DTX1: variants seen among roughly 807,000 people sequenced by gnomAD.
DTX1 encodes the protein deltex E3 ubiquitin ligase 1, also known as E3 ubiquitin-protein ligase DTX1.
DTX1 carries 26 observed loss-of-function variants against 57.8 expected under a neutral mutation model. The ratio of observed to expected loss-of-function variants is 0.45; its 90% CI spans 0.33 to 0.62. The LOEUF is 0.62. Ranked by LOEUF, DTX1 falls within the 20% of genes least tolerant of loss-of-function variation. The probability of loss-of-function intolerance (pLI) is 0.02; values close to 1 mark genes in which losing one functional copy is unlikely to be tolerated. For missense variants in DTX1, 704 were observed against 895.3 expected, an observed-to-expected ratio of 0.79 and a Z score of 2.73; for synonymous variants, 398 against 394.1, an observed-to-expected ratio of 1.01 and a Z score of -0.12.
In DTX1 at chr12:113,093,714, G is replaced by T. The variant is rs772620740; in HGVS notation, c.1165+14G>T. 1.8e-5 allele frequency: 29 copies of T among 1,612,084 alleles called. No homozygotes were observed. The highest frequency in any genetic ancestry group is 1.6e-4 in the Middle Eastern group (1 of 6,076). ...ACCTTAAAAAGAGTACGCCCTCCAC[G>T]CCCTGCCTCACACGAGATGAACCCC... On this transcript the variant is annotated intron_variant, in intron 5 of 9. Coordinates refer to ENST00000548759, the MANE Select transcript of DTX1 (RefSeq NM_004416.3). The surrounding 1 kb of genome is among the most constrained non-coding windows in gnomAD (Gnocchi z 4.2).
At chr12:113,090,441 C>A (rs939553248) in intron 3 of DTX1, among the ~76,000 whole-genome samples, 1 of 152,190 alleles carries the variant, frequency 6.6e-6, no homozygotes, top group Non-Finnish European at 1.5e-5. Flanking sequence ...AATCAAGACA[C>A]CTCCACTCTC....
intron 2 of DTX1, among the ~76,000 whole-genome samples, chr12:113,061,698 C>CT (rs34191594): frequency 1.3e-5 from 2 of 150,916 alleles, no homozygotes; most frequent in Non-Finnish European, 1.5e-5. Context: ...GATCTTAAAT[C>CT]TTTTTTTTTT....
At position 113,077,675 on chromosome 12, in the gene DTX1, C is replaced by G. The variant is rs1436653088; in HGVS notation, c.511C>G (p.Arg171Gly). 6.4e-7 allele frequency: 1 copy of G among 1,568,710 alleles called. No individual in the cohort carries two copies. Among genetic ancestry groups the G allele is most frequent in the East Asian group, 2.4e-5 (1 of 42,008 alleles). ...GACGCGCCGGCGCCGCCGCCTGCGC[C>G]GCCGCCTGGACCTCGCCTACCCGCT... ...RQTRRRRRLRRRLDLAYPLTV... is the reference protein window; with the variant it reads ...RQTRRRRRLRGRLDLAYPLTV... The change falls in exon 3 of 10, where the codon CGC (arginine) becomes GGC (glycine). Residue 171 changes from arginine to glycine, a missense_variant. By Grantham distance (125) the Arg-to-Gly change is moderately radical. Coordinates refer to ENST00000548759, the MANE Select transcript of DTX1 (RefSeq NM_004416.3). This position sits in a 1 kb window ranked among gnomAD's most constrained non-coding sequence, Gnocchi z 7.8.
At chr12:113,091,889 T>C (rs1320506571) in intron 3 of DTX1, among the ~76,000 whole-genome samples, 1 of 152,076 alleles carries the variant, frequency 6.6e-6, no homozygotes, top group Non-Finnish European at 1.5e-5. Flanking sequence ...AGAACACCCC[T>C]CTTCATCAGA....
chr12:113,085,675 A>G (rs1218525966), intron 3 of DTX1, among the ~76,000 whole-genome samples: 1 of 152,132 alleles, frequency 6.6e-6, no homozygotes, highest in Non-Finnish European at 1.5e-5. Context: ...TTTATAGCAT[A>G]TGTTCATCTG....
chr12:113,091,670 G>C (rs1436354452), intron 3 of DTX1, among the ~76,000 whole-genome samples: 1 of 152,156 alleles, frequency 6.6e-6, no homozygotes, highest in African/African-American at 2.4e-5. Flanking sequence ...CCTGCCAAGG[G>C]CACCATTTGC....
intron 2 of DTX1, among the ~76,000 whole-genome samples, chr12:113,064,017 A>G (rs996615155): frequency 2.3e-4 from 35 of 152,202 alleles, no homozygotes; most frequent in Admixed American, 8.5e-4. Flanking sequence ...CAGGGCTGAG[A>G]GAACCCCTTC....
At chr12:113,090,714 TG>T (rs982262439) in intron 3 of DTX1, among the ~76,000 whole-genome samples, 3 of 152,200 alleles carry the variant, frequency 2.0e-5, no homozygotes, top group African/African-American at 7.2e-5. Context: ...CAGAGGGGTC[TG>T]GGATGGGAGT....
chr12:113,058,366 T>C lies in DTX1; in HGVS notation c.174T>C (p.Gly58=), dbSNP rs1203061411. The C allele has an allele frequency of 6.2e-7, 1 of 1,611,936 alleles. No individual in the cohort carries two copies. Among genetic ancestry groups the C allele is most frequent in the Non-Finnish European group, 8.5e-7 (1 of 1,180,012 alleles). Residue 58 remains glycine (G), a synonymous_variant, in exon 2 of 10, where the codon GGT becomes GGC. Coordinates refer to ENST00000548759, the MANE Select transcript of DTX1 (RefSeq NM_004416.3). ...IENVLKEDAR[G]SVVLGQVDAQ... ...ACGTGCTGAAGGAGGACGCTCGCGG[T>C]TCCGTGGTCCTGGGGCAGGTGGACG...
chr12:113,074,120 T>C (rs1244923209), intron 2 of DTX1, among the ~76,000 whole-genome samples: 1 of 151,998 alleles, frequency 6.6e-6, no homozygotes, highest in Non-Finnish European at 1.5e-5. Context: ...TGCCAGCTAC[T>C]TGGGAGTCTG....
intron 3 of DTX1, 46 bp downstream of exon 3, chr12:113,078,151 C>A: frequency 7.7e-7 from 1 of 1,299,754 alleles, no homozygotes; most frequent in Non-Finnish European, 9.8e-7. Flanking sequence ...CGTCCGCAGG[C>A]AAGGACGAAG....
intron 2 of DTX1, among the ~76,000 whole-genome samples, 183 bp downstream of exon 2, chr12:113,058,634 T>TC (rs1302129968): frequency 6.6e-6 from 1 of 152,226 alleles, no homozygotes; most frequent in Non-Finnish European, 1.5e-5. Flanking sequence ...CAATGCAGCC[T>TC]CTGAGCAAGC....
chr12:113,073,666 G>C (rs1428287209), intron 2 of DTX1, among the ~76,000 whole-genome samples: 1 of 152,212 alleles, frequency 6.6e-6, no homozygotes, highest in African/African-American at 2.4e-5. Context: ...AGAGGAGAGG[G>C]CAGAGGACAA....
Position 113,075,679 on chromosome 12 carries a change from A to T in DTX1, c.260-1745A>T, listed in dbSNP as rs543172903. 3.9e-5 allele frequency among the ~76,000 whole-genome samples: 6 copies of T among 152,350 alleles called. No homozygotes were observed. The South Asian group carries it at 1.2e-3, about 32-fold the overall frequency. On this transcript the variant is annotated intron_variant, in intron 2 of 9. Transcript: ENST00000548759. ...GAGTAAAGCCTCAGTGCCCTCCTTT[A>T]TGAAAGGGGGCCCACCTGGCAGTCA...
intron 2 of DTX1, among the ~76,000 whole-genome samples, chr12:113,075,883 C>T (rs529634085): frequency 3.9e-5 from 6 of 152,038 alleles, no homozygotes; most frequent in African/African-American, 1.4e-4. Context: ...ATCGCTCGAG[C>T]ACCTGCTGTG....
chr12:113,086,261 G>GAA (rs35457626), intron 3 of DTX1, among the ~76,000 whole-genome samples: 161 of 135,332 alleles, frequency 1.2e-3, no homozygotes, highest in African/African-American at 2.0e-3. Flanking sequence ...CCTGTATCAA[G>GAA]AAAAAAAAAA....
chr12:113,092,239 G>A (rs1329818353), intron 3 of DTX1, among the ~76,000 whole-genome samples: 2 of 151,822 alleles, frequency 1.3e-5, no homozygotes, highest in East Asian at 1.9e-4. Flanking sequence ...TGATGATACC[G>A]ATGGCTGTGC....
At chr12:113,078,186 C>A in intron 3 of DTX1, 81 bp downstream of exon 3, 1 of 1,070,866 alleles carries the variant, frequency 9.3e-7, no homozygotes, top group South Asian at 2.8e-5. Flanking sequence ...GCCACTAGGG[C>A]AGGAGCAAAG....
chr12:113,093,399 G>A lies in DTX1; in HGVS notation c.1004-140G>A. ...TGGCCCGCAGAAAGGCCCTTCAGGG[G>A]CCTTCAAGGGGCTGAGTGGGTGGGG... On this transcript the variant is annotated intron_variant, in intron 4 of 9. Coordinates refer to ENST00000548759, the MANE Select transcript of DTX1 (RefSeq NM_004416.3). The surrounding 1 kb of genome is among the most constrained non-coding windows in gnomAD (Gnocchi z 4.2). 7.4e-7 allele frequency: 1 copy of A among 1,348,774 alleles called. No homozygotes were observed. The highest frequency in any genetic ancestry group is 9.9e-7 in the Non-Finnish European group (1 of 1,015,180). 83.6% of individuals were successfully genotyped at this position (1,348,774 alleles called of 1,614,324 possible).
Sources: allele counts gnomAD v4.1 joint callset (sites outside exome capture counted in the v4.1 genomes callset), GRCh38; gene constraint gnomAD v4.1.1; non-coding constraint Gnocchi (gnomAD v3.1); transcripts MANE v1.5; gene names NCBI Gene and HGNC (gene_info 2026-07-23, HGNC 2026-07-21).